The following MARCHF5 variants were observed in gnomAD, a reference collection of about 807,000 sequenced individuals.
The protein encoded by MARCHF5 is membrane associated ring-CH-type finger 5.
In MARCHF5, 5 loss-of-function variants were observed where a neutral mutation model predicts 36.5. That is an observed-to-expected ratio of 0.14 (90% CI 0.07 to 0.29). The LOEUF (loss-of-function observed/expected upper bound fraction) is 0.29, where lower values mean the gene tolerates loss of function less well. Ranked by LOEUF, MARCHF5 falls within the 10% of genes least tolerant of loss-of-function variation. The pLI is 1.00. For missense variants in MARCHF5, 179 were observed against 336.3 expected, an observed-to-expected ratio of 0.53 and a Z score of 3.66; for synonymous variants, 103 against 109.9, an observed-to-expected ratio of 0.94 and a Z score of 0.39.
chr10:92,349,862 T>C (rs566107237), intron 5 of MARCHF5, 25 bp downstream of exon 5: 28 of 1,576,362 alleles, frequency 1.8e-5, no homozygotes, highest in East Asian at 4.5e-5. Flanking sequence ...ACATTACTTA[T>C]ATTACCTTGC....
chr10:92,298,618 C>CTGGA (rs747053471), intron 1 of MARCHF5, among the ~76,000 whole-genome samples: 48 of 152,198 alleles, frequency 3.2e-4, no homozygotes, highest in Non-Finnish European at 5.6e-4. Context: ...GTCGCCCAGG[C>CTGGA]TGGAGTGCAG....
chr10:92,341,995 C>A (rs538801194), intron 3 of MARCHF5, among the ~76,000 whole-genome samples: 2 of 151,928 alleles, frequency 1.3e-5, no homozygotes, highest in South Asian at 4.2e-4. Flanking sequence ...CACTATGTTA[C>A]CAAGGCTGAT....
chr10:92,352,617 G>A lies in MARCHF5; in HGVS notation c.*1410G>A, dbSNP rs567838073. 2 of 152,314 alleles carry A rather than the reference G, an allele frequency of 1.3e-5. No individual in the cohort carries two copies. Among genetic ancestry groups the A allele is most frequent in the African/African-American group, 4.8e-5 (2 of 41,542 alleles). 9.4% of individuals were successfully genotyped at this position (152,314 alleles called of 1,614,324 possible). ...AATAAATGTTTCCCCTTACTGATAAGCGGCCACTTTAGGAGTGTAGCAAAT... is the reference window on the plus strand; with the variant it reads ...AATAAATGTTTCCCCTTACTGATAAACGGCCACTTTAGGAGTGTAGCAAAT... On this transcript the variant is annotated 3_prime_UTR_variant, in exon 6 of 6. Transcript: ENST00000358935.
At chr10:92,314,737 T>G (rs1843186400) in intron 2 of MARCHF5, among the ~76,000 whole-genome samples, 2 of 64,240 alleles carry the variant, frequency 3.1e-5, no homozygotes, top group Non-Finnish European at 6.4e-5. Flanking sequence ...TTGCTGCTGC[T>G]GCTTCCCCCC....
At chr10:92,317,340 C>T (rs1043830226) in intron 2 of MARCHF5, among the ~76,000 whole-genome samples, 1 of 152,206 alleles carries the variant, frequency 6.6e-6, no homozygotes, top group Non-Finnish European at 1.5e-5. Flanking sequence ...CTCAGGTGAT[C>T]CACCCACCTT....
intron 2 of MARCHF5, among the ~76,000 whole-genome samples, chr10:92,312,585 A>G (rs546761107): frequency 2.4e-4 from 37 of 152,372 alleles, no homozygotes; most frequent in Admixed American, 3.9e-4. Flanking sequence ...GAATGGTGAA[A>G]GACTCACTAA....
intron 3 of MARCHF5, among the ~76,000 whole-genome samples, chr10:92,346,270 G>A (rs1843642963): frequency 6.6e-6 from 1 of 151,984 alleles, no homozygotes; most frequent in Non-Finnish European, 1.5e-5. Flanking sequence ...GTATATATTT[G>A]CACACTTGTT....
At chr10:92,328,819 A>ATTTT (rs1426986471) in intron 2 of MARCHF5, among the ~76,000 whole-genome samples, 24 of 113,748 alleles carry the variant, frequency 2.1e-4, no homozygotes, top group Non-Finnish European at 3.4e-4. Flanking sequence ...ATATATATAT[A>ATTTT]TATTTTTTTT....
chr10:92,308,140 A>G (rs1843098509), intron 1 of MARCHF5, among the ~76,000 whole-genome samples: 2 of 151,844 alleles, frequency 1.3e-5, no homozygotes, highest in Non-Finnish European at 2.9e-5. Flanking sequence ...ACGGAGTTTC[A>G]CCATATTAGC....
rs1229278601 is a variant in MARCHF5 at position 92,349,762 on chromosome 10, C to T, written c.645C>T (p.Val215=). The change falls in exon 5 of 6, where the codon GTC becomes GTT. Residue 215 remains valine (V), a synonymous_variant. Coordinates refer to ENST00000358935, the MANE Select transcript of MARCHF5 (RefSeq NM_017824.5). The part of the protein sequence containing the change: ...SATRILCGAL[V]FPTIATIVGK... ...CTCGAATCTTGTGTGGAGCCCTTGT[C>T]TTTCCTACTATTGCTACAATAGTTG... 7 of 1,613,774 alleles carry T rather than the reference C, an allele frequency of 4.3e-6. No individual in the cohort carries two copies. The African/African-American group carries it at 9.3e-5, about 22-fold the overall frequency.
At chr10:92,334,327 A>G (rs1202399037) in intron 2 of MARCHF5, 1 of 152,222 alleles carries the variant, frequency 6.6e-6, no homozygotes, top group Non-Finnish European at 1.5e-5. Context: ...TTTATAAATT[A>G]TTGGCCACTT....
intron 1 of MARCHF5, among the ~76,000 whole-genome samples, chr10:92,296,310 G>A (rs7906870): frequency 0.014 from 2,096 of 152,216 alleles, 39 homozygotes; most frequent in African/African-American, 0.048. Flanking sequence ...TTCTAGTGTC[G>A]TGAATGTTTC....
At chr10:92,302,018 G>A (rs1232540491) in intron 1 of MARCHF5, among the ~76,000 whole-genome samples, 5 of 152,110 alleles carry the variant, frequency 3.3e-5, no homozygotes, top group South Asian at 2.1e-4. Context: ...CTGAGACCAC[G>A]CCATTGCACT....
intron 1 of MARCHF5, among the ~76,000 whole-genome samples, chr10:92,296,664 T>C (rs529906057): frequency 7.9e-5 from 12 of 152,186 alleles, no homozygotes; most frequent in South Asian, 4.1e-4. Flanking sequence ...TGAGGTTGTT[T>C]TGCATCACTT....
At chr10:92,342,096 G>A (rs1011000242) in intron 3 of MARCHF5, among the ~76,000 whole-genome samples, 10 of 151,136 alleles carry the variant, frequency 6.6e-5, no homozygotes, top group Non-Finnish European at 1.3e-4. Context: ...ACTGCACCCA[G>A]CCCATCCTAT....
rs557848502 is a variant in MARCHF5 at position 92,297,092 on chromosome 10, T to C, written c.35+5563T>C. 1.4e-3 allele frequency among the ~76,000 whole-genome samples: 209 copies of C among 152,168 alleles called. 1 individual carries two copies. The highest frequency in any genetic ancestry group is 4.7e-3 in the African/African-American group (197 of 41,522). ...ATATCTTCTCATCCCCACTCCACTA[T>C]CATAAAATGGGTTTATATTCTTCCA... On this transcript the variant is annotated intron_variant, in intron 1 of 5. Transcript: ENST00000358935.
At chr10:92,339,127 T>C (rs957154173) in intron 2 of MARCHF5, among the ~76,000 whole-genome samples, 3 of 151,512 alleles carry the variant, frequency 2.0e-5, no homozygotes, top group Admixed American at 2.0e-4. Flanking sequence ...CCCAGCACTT[T>C]TGGAGGCCGA....
rs1235034877 is a variant in MARCHF5, at chr10:92,291,248, A to C, written c.-247A>C. The C allele has an allele frequency of 1.7e-5, 9 of 532,108 alleles. No individual in the cohort carries two copies. The highest frequency in any genetic ancestry group is 7.1e-5 in the East Asian group (2 of 28,062). The allele number at this position is 532,108 out of a possible 1,614,324, so 33.0% of individuals were successfully genotyped here. A position where few individuals can be genotyped will look rare whatever the true frequency, so the allele number is the denominator to read the frequency against. Reference sequence around the variant, plus strand: ...CGGAACCTCGGGCCGACGGACGGGAACCCGGGCCGCGATCGCCGCCTCCCC... The same window carrying C: ...CGGAACCTCGGGCCGACGGACGGGACCCCGGGCCGCGATCGCCGCCTCCCC... On this transcript the variant is annotated 5_prime_UTR_variant, in exon 1 of 6. Coordinates refer to ENST00000358935, the MANE Select transcript of MARCHF5 (RefSeq NM_017824.5).
At chr10:92,328,756 C>G (rs1843399469) in intron 2 of MARCHF5, among the ~76,000 whole-genome samples, 1 of 149,030 alleles carries the variant, frequency 6.7e-6, no homozygotes, top group African/African-American at 2.5e-5. Flanking sequence ...GCCCTATCCT[C>G]TGCATTTTGT....
Sources: gnomAD v4.1 joint callset for allele counts (sites outside exome capture counted in the v4.1 genomes callset) on GRCh38, gnomAD v4.1.1 for gene constraint, MANE v1.5 for transcripts, NCBI Gene and HGNC (gene_info 2026-07-23, HGNC 2026-07-21) for gene names.